The following TSHR variants were observed in gnomAD, a reference collection of about 807,000 sequenced individuals.
The protein encoded by TSHR is thyroid stimulating hormone receptor.
In TSHR, 51 loss-of-function variants were observed where a neutral mutation model predicts 64.1. That is an observed-to-expected ratio of 0.80 (90% CI 0.64 to 1.01). The LOEUF is 1.01. Ranked by LOEUF, TSHR falls within the 50% of genes least tolerant of loss-of-function variation. The probability of loss-of-function intolerance (pLI) is 0.00; values close to 1 mark genes in which losing one functional copy is unlikely to be tolerated. For synonymous variants in TSHR, 361 were observed against 361.9 expected (o/e 1.00, Z 0.03); for missense variants, 877 against 942.8 (o/e 0.93, Z 0.91).
intron 7 of TSHR, among the ~76,000 whole-genome samples, chr14:81,098,207 A>C (rs1414238294): frequency 6.6e-6 from 1 of 152,238 alleles, no homozygotes; most frequent in Non-Finnish European, 1.5e-5. Flanking sequence ...ATCAAAGGGC[A>C]AAGTACATTA....
At chr14:81,083,540 A>G (rs149469736) in intron 3 of TSHR, among the ~76,000 whole-genome samples, 139 of 152,028 alleles carry the variant, frequency 9.1e-4, no homozygotes, top group African/African-American at 3.0e-3. Flanking sequence ...CTAAGTGTAT[A>G]ACAGGAGATT....
intron 8 of TSHR, among the ~76,000 whole-genome samples, chr14:81,115,451 G>T (rs1388681294): frequency 6.9e-6 from 1 of 143,980 alleles, no homozygotes; most frequent in Non-Finnish European, 1.5e-5. Context: ...TGAAATGAAT[G>T]AAATGAAGCG....
chr14:81,139,307 C>T (rs189798214), intron 8 of TSHR, among the ~76,000 whole-genome samples: 17 of 152,330 alleles, frequency 1.1e-4, no homozygotes, highest in Middle Eastern at 3.4e-3. Context: ...TAGTCCCCTT[C>T]GTCTCTGTTC....
chr14:81,132,885 T>C (rs1333520578), intron 8 of TSHR, among the ~76,000 whole-genome samples: 1 of 151,938 alleles, frequency 6.6e-6, no homozygotes, highest in Non-Finnish European at 1.5e-5. Flanking sequence ...TGTTGACAGG[T>C]TTATTTTAGG....
At chr14:81,015,829 G>T (rs1268046395) in intron 1 of TSHR, among the ~76,000 whole-genome samples, 1 of 151,768 alleles carries the variant, frequency 6.6e-6, no homozygotes, top group Non-Finnish European at 1.5e-5. Context: ...CTCTGCTTCT[G>T]TAGTTCAATT....
At chr14:81,098,083 G>T (rs1392896560) in intron 7 of TSHR, among the ~76,000 whole-genome samples, 1 of 152,066 alleles carries the variant, frequency 6.6e-6, no homozygotes, top group African/African-American at 2.4e-5. Context: ...TTAGACACTT[G>T]CAATGTACCA....
At position 81,103,100 on chromosome 14, in the gene TSHR, G is replaced by T. The variant is rs79432168; in HGVS notation, c.615-5275G>T. On this transcript the variant is annotated intron_variant, in intron 7 of 9. Coordinates refer to ENST00000298171, the MANE Select transcript of TSHR (RefSeq NM_000369.5). The surrounding 1 kb of genome is among the most constrained non-coding windows in gnomAD (Gnocchi z 4.1). ...AATCCAGTGTAAAATCAAAATGATGGTTGTGATAAGGAGCCCTGGGACTGG... is the reference window on the plus strand; with the variant it reads ...AATCCAGTGTAAAATCAAAATGATGTTTGTGATAAGGAGCCCTGGGACTGG... 6.1e-6 allele frequency: 6 copies of T among 985,370 alleles called. No individual in the cohort carries two copies. Among genetic ancestry groups the T allele is most frequent in the African/African-American group, 1.7e-5 (1 of 57,338 alleles). The allele number at this position is 985,370 out of a possible 1,614,324, so 61.0% of individuals were successfully genotyped here. A position where few individuals can be genotyped will look rare whatever the true frequency, so the allele number is the denominator to read the frequency against.
At chr14:81,002,781 C>CTTTTTTTTTTTTTTTTTTTTTTT (rs1174635270) in intron 1 of TSHR, among the ~76,000 whole-genome samples, 9 of 44,324 alleles carry the variant, frequency 2.0e-4, no homozygotes, top group African/African-American at 6.9e-4. Flanking sequence ...CCTAATGCCT[C>CTTTTTTTTTTTTTTTTTTTTTTT]TTTTTTTTTT....
intron 1 of TSHR, among the ~76,000 whole-genome samples, chr14:81,030,974 C>T (rs527306520): frequency 3.4e-4 from 51 of 152,180 alleles, no homozygotes; most frequent in Non-Finnish European, 6.5e-4. Flanking sequence ...AAAATCACAA[C>T]AAGATAAGAC....
At chr14:81,002,804 T>TA (rs1889403651) in intron 1 of TSHR, among the ~76,000 whole-genome samples, 1 of 30,726 alleles carries the variant, frequency 3.3e-5, no homozygotes, top group East Asian at 5.1e-3. Flanking sequence ...TTTTTTTTTT[T>TA]TTTATCTTTT....
chr14:81,050,549 CTAGT>C (rs569362623), intron 1 of TSHR: 137 of 152,212 alleles, frequency 9.0e-4, no homozygotes, highest in Non-Finnish European at 1.7e-3. Flanking sequence ...TTTAAAACAC[CTAGT>C]TAGTGTTCAC....
intron 8 of TSHR, among the ~76,000 whole-genome samples, chr14:81,120,621 C>T (rs559518651): frequency 3.3e-5 from 5 of 152,262 alleles, no homozygotes; most frequent in African/African-American, 1.2e-4. Context: ...GTCATCCGCA[C>T]TCAGAAACAG....
chr14:80,970,566 AG>A (rs1293887536), intron 1 of TSHR, among the ~76,000 whole-genome samples: 1 of 152,242 alleles, frequency 6.6e-6, no homozygotes, highest in Non-Finnish European at 1.5e-5. Context: ...ATCCTTGTCC[AG>A]GATGGATATC....
intron 8 of TSHR, among the ~76,000 whole-genome samples, chr14:81,125,368 C>G (rs769062615): frequency 2.0e-5 from 3 of 152,146 alleles, no homozygotes; most frequent in Non-Finnish European, 4.4e-5. Flanking sequence ...GTGTTGAAAT[C>G]ATATTATGGA....
intron 5 of TSHR, 114 bp from the exon 6 acceptor site, chr14:81,092,417 A>G (rs559831405): frequency 3.0e-6 from 3 of 1,011,842 alleles, no homozygotes; most frequent in South Asian, 2.6e-5. Context: ...ACTTAAAAAG[A>G]AATAAGATTA....
At chr14:81,108,483 TC>T in intron 8 of TSHR, 31 bp downstream of exon 8, 1 of 1,575,212 alleles carries the variant, frequency 6.3e-7, no homozygotes, top group Non-Finnish European at 8.6e-7. Flanking sequence ...AATATTTTAG[TC>T]TTTTTTTTTC....
chr14:81,024,835 C>G (rs1883964137), intron 1 of TSHR, among the ~76,000 whole-genome samples: 1 of 152,148 alleles, frequency 6.6e-6, no homozygotes, highest in Non-Finnish European at 1.5e-5. Flanking sequence ...TTCAGCAACA[C>G]TAATGGCACT....
chr14:81,070,415 T>A (rs1381901806), intron 3 of TSHR, among the ~76,000 whole-genome samples: 1 of 150,656 alleles, frequency 6.6e-6, no homozygotes, highest in Non-Finnish European at 1.5e-5. Flanking sequence ...GATCACGAGG[T>A]TAGGAGATTG....
At position 81,143,624 on chromosome 14, in the gene TSHR, C is replaced by T. The variant is rs771680735; in HGVS notation, c.1566C>T (p.Ala522=). The change falls in exon 10 of 10, where the codon GCC becomes GCT. Residue 522 remains alanine, a synonymous_variant. Transcript: ENST00000298171. ...LTVITLERWY[A]ITFAMRLDRK... is the part of the protein sequence containing the mutation. Reference sequence around the variant, plus strand: ...TCATCACCCTGGAGCGCTGGTATGCCATCACCTTCGCCATGCGCCTGGACC... The same window carrying T: ...TCATCACCCTGGAGCGCTGGTATGCTATCACCTTCGCCATGCGCCTGGACC... 1.2e-6 allele frequency: 2 copies of T among 1,614,028 alleles called. No homozygotes were observed. The highest frequency in any genetic ancestry group is 3.3e-5 in the Admixed American group (2 of 60,014).
Sources: allele counts gnomAD v4.1 joint callset (sites outside exome capture counted in the v4.1 genomes callset), GRCh38; gene constraint gnomAD v4.1.1; non-coding constraint Gnocchi (gnomAD v3.1); transcripts MANE v1.5; gene names NCBI Gene and HGNC (gene_info 2026-07-23, HGNC 2026-07-21).